The following LIMCH1 variants were observed in gnomAD, a reference collection of about 807,000 sequenced individuals.
LIMCH1 encodes LIM and calponin homology domains-containing protein 1.
A neutral mutation model predicts 176.5 loss-of-function variants in LIMCH1; 113 were observed. That is an observed-to-expected ratio of 0.64 (90% CI 0.55 to 0.75). LIMCH1 has a LOEUF of 0.75. Among genes scored for constraint, LIMCH1 ranks in the 30% least tolerant of loss-of-function variants. LIMCH1 has a pLI of 0.00. For synonymous variants in LIMCH1, 619 were observed against 645.9 expected (o/e 0.96, Z 0.63); for missense variants, 1,674 against 1,814.9 (o/e 0.92, Z 1.41).
At chr4:41,657,843 G>C (rs1562114876) in intron 18 of LIMCH1, among the ~76,000 whole-genome samples, 1 of 152,156 alleles carries the variant, frequency 6.6e-6, no homozygotes, top group Non-Finnish European at 1.5e-5. Context: ...GCTGGGGGCA[G>C]TTGGGTCCCC....
At chr4:41,649,040 G>C (rs1010640040) in intron 17 of LIMCH1, among the ~76,000 whole-genome samples, 4 of 152,080 alleles carry the variant, frequency 2.6e-5, no homozygotes, top group Non-Finnish European at 5.9e-5. Flanking sequence ...AAAAAGACCA[G>C]TGGCTTAAGG....
chr4:41,592,708 T>A (rs1402215683), intron 1 of LIMCH1, among the ~76,000 whole-genome samples: 6 of 152,074 alleles, frequency 3.9e-5, no homozygotes, highest in African/African-American at 1.4e-4. Flanking sequence ...GTCGATAGCA[T>A]CCCCCACCTT....
intron 20 of LIMCH1, among the ~76,000 whole-genome samples, chr4:41,663,744 G>A (rs2094713567): frequency 6.6e-6 from 1 of 150,608 alleles, no homozygotes; most frequent in Non-Finnish European, 1.5e-5. Flanking sequence ...CTAGCTGGGT[G>A]TGGTGGCTCA....
intron 17 of LIMCH1, among the ~76,000 whole-genome samples, chr4:41,648,807 AACTGAAAGTTACCACCCGTTGC>A (rs1461723982): frequency 1.3e-5 from 2 of 151,912 alleles, no homozygotes; most frequent in Non-Finnish European, 2.9e-5. Context: ...GTGTTTTTCA[AACTGAAAGTTACCACCCGTTGC>A]TAGGTTATAA....
At chr4:41,637,468 G>T (rs528034980) in intron 13 of LIMCH1, among the ~76,000 whole-genome samples, 1 of 152,214 alleles carries the variant, frequency 6.6e-6, no homozygotes, top group Non-Finnish European at 1.5e-5. Context: ...GGGATTACAA[G>T]CATGAGCCAC....
At chr4:41,406,986 G>T (rs1388670387) in intron 1 of LIMCH1, among the ~76,000 whole-genome samples, 1 of 152,244 alleles carries the variant, frequency 6.6e-6, no homozygotes, top group South Asian at 2.1e-4. Flanking sequence ...TGATCTCTGT[G>T]CTTCTAGGCA....
At position 41,661,439 on chromosome 4, in the gene LIMCH1, A is replaced by G. The variant is rs1195503877; in HGVS notation, c.3056A>G (p.Glu1019Gly). 4 of 1,612,604 alleles carry G rather than the reference A, an allele frequency of 2.5e-6. No individual in the cohort carries two copies. The highest frequency in any genetic ancestry group is 3.4e-6 in the Non-Finnish European group (4 of 1,179,134). The change falls in exon 19 of 32, where the codon GAA (glutamate) becomes GGA (glycine). Residue 1019 changes from glutamate (E) to glycine (G), a missense_variant. Glu to Gly is a moderately conservative substitution (Grantham distance 98). This residue lies in a region of LIMCH1 where 1,015 missense variants were observed against 1,102.5 expected (regional missense o/e 0.92). Transcript: ENST00000503057. The part of the protein sequence containing the change: ...QELAATTEKT[E>G]PNSQEDKNDG... ...TTTCAGGCAACCACTGAGAAAACGGAACCGAATAGTCAAGAGGACAAGAAT... is the reference window on the plus strand; with the variant it reads ...TTTCAGGCAACCACTGAGAAAACGGGACCGAATAGTCAAGAGGACAAGAAT...
At chr4:41,694,494 G>A (rs892211367) in intron 31 of LIMCH1, among the ~76,000 whole-genome samples, 3 of 152,174 alleles carry the variant, frequency 2.0e-5, no homozygotes, top group African/African-American at 7.2e-5. Flanking sequence ...TAGTCATGGT[G>A]TTCTGTACTT....
At chr4:41,447,116 G>A (rs2063362672) in intron 1 of LIMCH1, among the ~76,000 whole-genome samples, 1 of 152,162 alleles carries the variant, frequency 6.6e-6, no homozygotes, top group African/African-American at 2.4e-5. Flanking sequence ...TGTAGTCCTA[G>A]TTACTCAGGA....
intron 1 of LIMCH1, among the ~76,000 whole-genome samples, chr4:41,573,457 G>A (rs183271271): frequency 2.2e-3 from 328 of 152,304 alleles, no homozygotes; most frequent in African/African-American, 7.7e-3. Flanking sequence ...GTATGTAAAT[G>A]ACATGGTTGA....
intron 19 of LIMCH1, 80 bp from the exon 20 acceptor site, chr4:41,662,741 T>C (rs2094670302): frequency 6.9e-7 from 1 of 1,444,016 alleles, no homozygotes; most frequent in African/African-American, 1.4e-5. Context: ...ATGTACTTCA[T>C]GGCATTGCAG....
chr4:41,379,220 G>A (rs1181293193), intron 1 of LIMCH1, among the ~76,000 whole-genome samples: 8 of 152,180 alleles, frequency 5.3e-5, no homozygotes, highest in African/African-American at 9.7e-5. Flanking sequence ...GCTTGACTGT[G>A]GCTGGAAGAT....
At chr4:41,582,099 A>T (rs926791038) in intron 1 of LIMCH1, among the ~76,000 whole-genome samples, 3 of 152,330 alleles carry the variant, frequency 2.0e-5, no homozygotes, top group Admixed American at 1.3e-4. Flanking sequence ...AACTGAATTT[A>T]AAAAAATACT....
chr4:41,471,267 G>A (rs1027006371), intron 1 of LIMCH1, among the ~76,000 whole-genome samples: 1 of 152,140 alleles, frequency 6.6e-6, no homozygotes, highest in Non-Finnish European at 1.5e-5. Context: ...TTGTGGTGAA[G>A]TTCAACTACT....
At chr4:41,508,902 C>T (rs2154183020) in intron 2 of LIMCH1, among the ~76,000 whole-genome samples, 1 of 152,318 alleles carries the variant, frequency 6.6e-6, no homozygotes, top group African/African-American at 2.4e-5. Context: ...GATCATGATT[C>T]CACCTAACTG....
At chr4:41,512,684 A>G (rs1387609453) in intron 2 of LIMCH1, among the ~76,000 whole-genome samples, 3 of 152,208 alleles carry the variant, frequency 2.0e-5, no homozygotes, top group Non-Finnish European at 2.9e-5. Context: ...ATTTATATAA[A>G]TGTTCTGAAT....
At chr4:41,463,781 G>A (rs7439690) in intron 1 of LIMCH1, among the ~76,000 whole-genome samples, 62,179 of 151,610 alleles carry the variant, frequency 0.41, 14,446 homozygotes, top group African/African-American at 0.64. Context: ...GTTTCACCAT[G>A]TTGGCCAGGC....
intron 18 of LIMCH1, among the ~76,000 whole-genome samples, chr4:41,656,883 C>A (rs750281791): frequency 2.6e-5 from 4 of 152,196 alleles, no homozygotes; most frequent in Non-Finnish European, 4.4e-5. Context: ...AGGCCCAGCA[C>A]CCAGACCCTC....
At chr4:41,612,208 C>T (rs966495954) in intron 4 of LIMCH1, 3 of 232,980 alleles carry the variant, frequency 1.3e-5, no homozygotes, top group East Asian at 9.7e-5. Flanking sequence ...CCTCCTGCTG[C>T]GGAGTATGTC....
Sources: gnomAD v4.1 joint callset for allele counts (sites outside exome capture counted in the v4.1 genomes callset) on GRCh38, gnomAD v4.1.1 for gene constraint, gnomAD v4.1.1 regional missense constraint, MANE v1.5 for transcripts, NCBI Gene and HGNC (gene_info 2026-07-23, HGNC 2026-07-21) for gene names.